RPS6KC1: variants seen among roughly 807,000 people sequenced by gnomAD.
RPS6KC1 encodes the protein inactive ribosomal protein S6 kinase delta-1.
RPS6KC1 carries 54 observed loss-of-function variants against 103.8 expected under a neutral mutation model. The ratio of observed to expected loss-of-function variants is 0.52; its 90% CI spans 0.42 to 0.65. The LOEUF (loss-of-function observed/expected upper bound fraction) is 0.65. Ranked by LOEUF, RPS6KC1 falls within the 30% of genes least tolerant of loss-of-function variation. RPS6KC1 has a pLI of 0.00. For missense variants in RPS6KC1, 1,151 were observed against 1,253.8 expected, an observed-to-expected ratio of 0.92 and a Z score of 1.24; for synonymous variants, 439 against 438.7, an observed-to-expected ratio of 1.00 and a Z score of -0.01.
chr1:213,838,584 GAA>G, the RPS6KC1 span, among the ~76,000 whole-genome samples: 5 of 146,520 alleles, frequency 3.4e-5, no homozygotes, highest in African/African-American at 5.0e-5. Flanking sequence ...ATTTTTCTGA[GAA>G]AAAAAAAAAT....
At chr1:213,548,017 A>G in the RPS6KC1 span, among the ~76,000 whole-genome samples, 1 of 152,252 alleles carries the variant, frequency 6.6e-6, no homozygotes, top group Non-Finnish European at 1.5e-5. Flanking sequence ...AGTAAGTGCC[A>G]AAAAAGTAGA....
chr1:213,204,620 CTTTTTT>C (rs35617516), intron 8 of RPS6KC1, among the ~76,000 whole-genome samples: 1 of 127,650 alleles, frequency 7.8e-6, no homozygotes. Context: ...TTAATTGTCA[CTTTTTT>C]TTTTTTTTTT....
chr1:213,152,930 T>C (rs1309459034), intron 6 of RPS6KC1, among the ~76,000 whole-genome samples: 1 of 152,236 alleles, frequency 6.6e-6, no homozygotes. Flanking sequence ...ATCACGCTAC[T>C]GCACTCCAGC....
chr1:213,852,115 A>G, the RPS6KC1 span, among the ~76,000 whole-genome samples: 5 of 152,278 alleles, frequency 3.3e-5, no homozygotes, highest in Admixed American at 3.3e-4. Context: ...ATTCCTGAAC[A>G]TAATCATCAA....
chr1:213,498,667 G>T, the RPS6KC1 span, among the ~76,000 whole-genome samples: 2 of 152,068 alleles, frequency 1.3e-5, no homozygotes, highest in Admixed American at 1.3e-4. Flanking sequence ...TGTTGGTCAG[G>T]CTGGTCTCGA....
chr1:213,360,886 A>G, the RPS6KC1 span, among the ~76,000 whole-genome samples: 1 of 152,236 alleles, frequency 6.6e-6, no homozygotes, highest in Non-Finnish European at 1.5e-5. Flanking sequence ...ATTGCTGAAC[A>G]GCAAATGTTG....
the RPS6KC1 span, among the ~76,000 whole-genome samples, chr1:213,757,106 G>A: frequency 6.6e-6 from 1 of 152,064 alleles, no homozygotes; most frequent in Non-Finnish European, 1.5e-5. Flanking sequence ...TTTATTTTCT[G>A]AGACAGAATA....
the RPS6KC1 span, among the ~76,000 whole-genome samples, chr1:213,454,476 C>T: frequency 3.3e-5 from 5 of 152,102 alleles, no homozygotes; most frequent in African/African-American, 1.2e-4. Flanking sequence ...TAAACTTATA[C>T]CTGGAAGGTG....
chr1:213,438,695 G>A, the RPS6KC1 span, among the ~76,000 whole-genome samples: 3 of 151,710 alleles, frequency 2.0e-5, no homozygotes, highest in African/African-American at 7.3e-5. Flanking sequence ...TCTCATTCTA[G>A]TACAGCTTAG....
the RPS6KC1 span, among the ~76,000 whole-genome samples, chr1:213,710,947 C>T: frequency 2.0e-5 from 3 of 152,162 alleles, no homozygotes; most frequent in Non-Finnish European, 4.4e-5. Flanking sequence ...CTGCCCTTAA[C>T]ATTTTTTCCT....
intron 3 of RPS6KC1, among the ~76,000 whole-genome samples, chr1:213,080,245 C>T (rs1038481755): frequency 1.3e-5 from 2 of 152,030 alleles, no homozygotes; most frequent in South Asian, 2.1e-4. Context: ...ACAACTTTTA[C>T]GTATCTATTG....
chr1:213,131,941 TAAA>T (rs2085685323), intron 6 of RPS6KC1, among the ~76,000 whole-genome samples: 1 of 152,228 alleles, frequency 6.6e-6, no homozygotes, highest in Non-Finnish European at 1.5e-5. Flanking sequence ...TTGACACAAA[TAAA>T]ACACATCAGT....
the RPS6KC1 span, among the ~76,000 whole-genome samples, chr1:213,701,881 T>C: frequency 0.024 from 3,684 of 151,882 alleles, 159 homozygotes; most frequent in African/African-American, 0.084. Context: ...GTTTCATTGA[T>C]CTTTTGCATT....
intron 8 of RPS6KC1, among the ~76,000 whole-genome samples, chr1:213,193,290 G>A (rs932177508): frequency 1.3e-5 from 2 of 151,918 alleles, no homozygotes; most frequent in Non-Finnish European, 2.9e-5. Context: ...TCAGAGACTC[G>A]CTCTGTTGCC....
At chr1:213,630,026 T>C in the RPS6KC1 span, among the ~76,000 whole-genome samples, 1 of 152,244 alleles carries the variant, frequency 6.6e-6, no homozygotes, top group Non-Finnish European at 1.5e-5. Context: ...ATTTTTTCCT[T>C]CATTTCAACT....
At chr1:213,767,374 G>GTA in the RPS6KC1 span, among the ~76,000 whole-genome samples, 524 of 151,818 alleles carry the variant, frequency 3.5e-3, 1 homozygote, top group African/African-American at 0.012. Flanking sequence ...TTTTACATAT[G>GTA]TATATATATA....
the RPS6KC1 span, among the ~76,000 whole-genome samples, chr1:213,413,753 T>C: frequency 2.0e-5 from 3 of 152,198 alleles, no homozygotes; most frequent in African/African-American, 7.2e-5. Context: ...TGCTATCCTA[T>C]TGTTTACACA....
intron 8 of RPS6KC1, among the ~76,000 whole-genome samples, chr1:213,193,552 A>G (rs932128018): frequency 1.3e-5 from 2 of 152,174 alleles, no homozygotes; most frequent in South Asian, 2.1e-4. Flanking sequence ...GTGAGCCACC[A>G]TGCCTGGCCT....
At chr1:213,651,516 A>G in the RPS6KC1 span, among the ~76,000 whole-genome samples, 4 of 152,216 alleles carry the variant, frequency 2.6e-5, no homozygotes, top group Non-Finnish European at 4.4e-5. Context: ...CACGATGCCC[A>G]TGGGTCTATT....
Sources: gnomAD v4.1 joint callset for allele counts (sites outside exome capture counted in the v4.1 genomes callset) on GRCh38, gnomAD v4.1.1 for gene constraint, MANE v1.5 for transcripts, NCBI Gene and HGNC (gene_info 2026-07-23, HGNC 2026-07-21) for gene names.